The following DLG2 variants were observed in gnomAD, a reference collection of about 807,000 sequenced individuals.
The protein encoded by DLG2 is discs large MAGUK scaffold protein 2, also known as disks large homolog 2.
A neutral mutation model predicts 132.5 loss-of-function variants in DLG2; 45 were observed. The observed-to-expected ratio is 0.34, with a 90% CI of 0.27 to 0.44. The LOEUF is 0.44. DLG2 is among the 20% of genes least tolerant of loss of function. DLG2 has a pLI of 1.00. For synonymous variants in DLG2, 424 were observed against 419.6 expected (o/e 1.01, Z -0.13); for missense variants, 1,045 against 1,196.9 (o/e 0.87, Z 1.87).
intron 6 of DLG2, among the ~76,000 whole-genome samples, chr11:84,854,805 C>A (rs556640437): frequency 2.0e-5 from 3 of 152,140 alleles, no homozygotes; most frequent in Non-Finnish European, 4.4e-5. Flanking sequence ...GGACTGCTCT[C>A]TGTACCCCAT....
In DLG2 at chr11:84,541,188, TATA is replaced by T. The variant is rs536129464; in HGVS notation, c.358-6460_358-6458del. Among the ~76,000 whole-genome samples the T allele has an allele frequency of 1.5e-3, 171 of 113,870 alleles. 1 individual carries two copies. In the Middle Eastern group the frequency reaches 0.02, roughly 13 times the overall value. The allele number at this position is 113,870 out of a possible 152,430, so 74.7% of individuals were successfully genotyped here. A position where few individuals can be genotyped will look rare whatever the true frequency, so the allele number is the denominator to read the frequency against. On this transcript the variant is annotated intron_variant, in intron 6 of 27. Transcript: ENST00000376104. ...ACATGTACCCTAGAACTTGAAGTAT[TATA>T]ATAATAATAATAATAATAATAATAA...
chr11:84,099,814 TAAAG>T (rs1411348373), intron 9 of DLG2, among the ~76,000 whole-genome samples: 8 of 132,308 alleles, frequency 6.0e-5, no homozygotes, highest in African/African-American at 2.4e-4. Context: ...TATATATATC[TAAAG>T]AGATATATAT....
intron 3 of DLG2, among the ~76,000 whole-genome samples, chr11:85,460,435 T>C (rs1249857468): frequency 6.6e-6 from 1 of 152,322 alleles, no homozygotes. Flanking sequence ...CCCTGGGGAC[T>C]CTCACTCACT....
At chr11:84,764,253 C>T (rs1180324449) in intron 6 of DLG2, among the ~76,000 whole-genome samples, 1 of 152,052 alleles carries the variant, frequency 6.6e-6, no homozygotes, top group Non-Finnish European at 1.5e-5. Context: ...AGTGCTATAC[C>T]CTACCTGACT....
At chr11:84,312,179 CAG>C (rs1194210032) in intron 7 of DLG2, among the ~76,000 whole-genome samples, 1 of 152,066 alleles carries the variant, frequency 6.6e-6, no homozygotes, top group African/African-American at 2.4e-5. Flanking sequence ...TTTTATAAAA[CAG>C]AAAATCTTGG....
intron 19 of DLG2, among the ~76,000 whole-genome samples, chr11:83,623,279 A>G (rs538927589): frequency 6.6e-6 from 1 of 152,328 alleles, no homozygotes; most frequent in African/African-American, 2.4e-5. Context: ...ATGATTACCA[A>G]ATAGGGTTCC....
intron 8 of DLG2, among the ~76,000 whole-genome samples, chr11:84,164,927 G>C (rs1213363251): frequency 2.0e-5 from 3 of 152,102 alleles, no homozygotes; most frequent in African/African-American, 7.2e-5. Context: ...CACAGAAAAG[G>C]ACTTGATGAT....
intron 6 of DLG2, among the ~76,000 whole-genome samples, chr11:84,616,616 T>C (rs2099604849): frequency 6.6e-6 from 1 of 152,124 alleles, no homozygotes; most frequent in African/African-American, 2.4e-5. Flanking sequence ...ACCCACAATA[T>C]AGTTTACTAC....
At chr11:85,049,302 T>C (rs2062660561) in intron 6 of DLG2, among the ~76,000 whole-genome samples, 1 of 151,928 alleles carries the variant, frequency 6.6e-6, no homozygotes, top group Non-Finnish European at 1.5e-5. Flanking sequence ...ATTTTAGGAG[T>C]ATTTAAAAAA....
intron 6 of DLG2, among the ~76,000 whole-genome samples, chr11:84,695,727 C>T (rs1018156475): frequency 3.3e-5 from 5 of 151,464 alleles, no homozygotes; most frequent in African/African-American, 9.7e-5. Context: ...GAACACATCT[C>T]TGCTTAAAAT....
intron 6 of DLG2, among the ~76,000 whole-genome samples, chr11:84,606,128 T>C (rs973252381): frequency 3.3e-5 from 5 of 152,126 alleles, no homozygotes; most frequent in African/African-American, 9.7e-5. Context: ...AAAGAAATAA[T>C]TGATTTTACA....
chr11:84,411,562 C>CT (rs60348213), intron 7 of DLG2, among the ~76,000 whole-genome samples: 24,058 of 146,322 alleles, frequency 0.16, 3,585 homozygotes, highest in African/African-American at 0.4. Context: ...ATCTGTGGTA[C>CT]TTTTTTTTTT....
In DLG2 at chr11:84,396,939, G is replaced by A. The variant is rs201624060; in HGVS notation, c.519+137631C>T. ...TGGGACCCAAAGGTCCTAAATTTAA[G>A]GGGGTGGAAAAGGTTTAATAGTAAA... On this transcript the variant is annotated intron_variant, in intron 7 of 27. Coordinates refer to ENST00000376104, the MANE Select transcript of DLG2 (RefSeq NM_001142699.3). 2.0e-5 allele frequency among the ~76,000 whole-genome samples: 3 copies of A among 152,244 alleles called. No homozygotes were observed. The East Asian group carries it at 5.8e-4, about 29-fold the overall frequency.
Position 84,059,333 on chromosome 11 carries a change from G to C in DLG2, c.901C>G (p.Leu301Val), listed in dbSNP as rs1377356370. The C allele has an allele frequency of 6.2e-7, 1 of 1,613,504 alleles. No individual in the cohort carries two copies. The highest frequency in any genetic ancestry group is 1.1e-5 in the South Asian group (1 of 90,972). The change falls in exon 11 of 28, where the codon CTG becomes GTG. Residue 301 changes from leucine (L) to valine (V), a missense_variant. Coordinates refer to ENST00000376104, the MANE Select transcript of DLG2 (RefSeq NM_001142699.3). ...PILETVVEIK[L>V]FKGPKGLGFS... Reference sequence around the variant, plus strand: ...TGATTACCTTTAGGGCCTTTGAACAGTTTGATTTCCACAACGGTCTCCAAA... The same window carrying C: ...TGATTACCTTTAGGGCCTTTGAACACTTTGATTTCCACAACGGTCTCCAAA...
At chr11:85,306,055 C>A (rs1277216652) in intron 3 of DLG2, among the ~76,000 whole-genome samples, 1 of 152,116 alleles carries the variant, frequency 6.6e-6, no homozygotes, top group Non-Finnish European at 1.5e-5. Flanking sequence ...TACTTAATTT[C>A]TATGAGATTC....
At chr11:84,736,766 A>G (rs1204988883) in intron 6 of DLG2, among the ~76,000 whole-genome samples, 2 of 151,992 alleles carry the variant, frequency 1.3e-5, no homozygotes, top group African/African-American at 4.8e-5. Context: ...AAACTCACCT[A>G]TTAGTCTGGT....
chr11:84,773,228 A>G (rs1393402980), intron 6 of DLG2, among the ~76,000 whole-genome samples: 1 of 152,194 alleles, frequency 6.6e-6, no homozygotes, highest in African/African-American at 2.4e-5. Context: ...AGAGTGAACC[A>G]GGAATAAAAT....
At chr11:85,024,478 C>T (rs2060345345) in intron 6 of DLG2, among the ~76,000 whole-genome samples, 1 of 152,184 alleles carries the variant, frequency 6.6e-6, no homozygotes, top group Admixed American at 6.5e-5. Context: ...TCAGCAAAGA[C>T]TAGAAATTTG....
rs1432378020 is a variant in DLG2, at chr11:83,973,329, T to TA, written c.1056+7176dup. On this transcript the variant is annotated intron_variant, in intron 12 of 27. Coordinates refer to ENST00000376104, the MANE Select transcript of DLG2 (RefSeq NM_001142699.3). ...GCTATTACACTGAGTATAAGCAAAA[T>TA]AAAAAAGAGTGCAATAGGAGGTTCT... 2.0e-5 allele frequency among the ~76,000 whole-genome samples: 3 copies of TA among 151,882 alleles called. No individual in the cohort carries two copies. The East Asian group carries it at 5.8e-4, about 29-fold the overall frequency.
Sources: gnomAD v4.1 joint callset for allele counts (sites outside exome capture counted in the v4.1 genomes callset) on GRCh38, gnomAD v4.1.1 for gene constraint, MANE v1.5 for transcripts, NCBI Gene and HGNC (gene_info 2026-07-23, HGNC 2026-07-21) for gene names.